Variants in TRPM6 observed in about 807,000 individuals in gnomAD.
TRPM6 encodes channel kinase 2.
In TRPM6, 111 loss-of-function variants were observed where a neutral mutation model predicts 247.6. The observed-to-expected ratio is 0.45, with a 90% CI of 0.38 to 0.52. The LOEUF is 0.52. Ranked by LOEUF, TRPM6 falls within the 20% of genes least tolerant of loss-of-function variation. The pLI, the probability that TRPM6 is intolerant of heterozygous loss-of-function variation, is 0.00. For synonymous variants in TRPM6, 892 were observed against 853.8 expected, an observed-to-expected ratio of 1.04 and a Z score of -0.78; for missense variants, 2,126 against 2,421.5, an observed-to-expected ratio of 0.88 and a Z score of 2.56.
chr9:74,853,757 G>C (rs911181826), intron 3 of TRPM6, among the ~76,000 whole-genome samples: 3 of 151,908 alleles, frequency 2.0e-5, no homozygotes, highest in Non-Finnish European at 4.4e-5. Flanking sequence ...GAAAACCAGA[G>C]ACCCTTGTTC....
At chr9:74,874,384 C>T (rs1397143441) in intron 1 of TRPM6, among the ~76,000 whole-genome samples, 1 of 152,154 alleles carries the variant, frequency 6.6e-6, no homozygotes, top group East Asian at 1.9e-4. Flanking sequence ...TTCCCAACTT[C>T]TCTTTCTTGC....
At chr9:74,850,047 A>G (rs1397390797) in intron 3 of TRPM6, among the ~76,000 whole-genome samples, 1 of 152,254 alleles carries the variant, frequency 6.6e-6, no homozygotes, top group African/African-American at 2.4e-5. Flanking sequence ...CAGGGGAAAC[A>G]GAAGTGTCTA....
At chr9:74,804,468 A>G in intron 14 of TRPM6, 1 of 629,310 alleles carries the variant, frequency 1.6e-6, no homozygotes, top group South Asian at 1.7e-5. Context: ...TATGATAAAA[A>G]CCATAAGCTT....
rs1167798702 is a variant in TRPM6, at chr9:74,739,767, G to A, written c.5443C>T (p.His1815Tyr). Residue 1815 changes from histidine (H) to tyrosine (Y), a missense_variant, in exon 34 of 39, where the codon CAT (histidine) becomes TAT (tyrosine). His to Tyr is a moderately conservative substitution (Grantham distance 83, BLOSUM62 2). Coordinates refer to ENST00000360774, the MANE Select transcript of TRPM6 (RefSeq NM_017662.5). ...SFLPEVVRTW[H>Y]KIFQESTVLH... ...ACAGTGCTCTCCTGGAAGATTTTAT[G>A]CCATGTCCGCACAACCTCAGGAAGA... 1 of 1,613,906 alleles carries A rather than the reference G, an allele frequency of 6.2e-7. No homozygotes were observed.
At chr9:74,875,435 C>T (rs73536153) in intron 1 of TRPM6, among the ~76,000 whole-genome samples, 3,229 of 152,146 alleles carry the variant, frequency 0.021, 134 homozygotes, top group African/African-American at 0.075. Flanking sequence ...TACAACTACT[C>T]AGGAGGCTGA....
In TRPM6 at chr9:74,786,124, A is replaced by T; in HGVS notation, c.2669T>A (p.Ile890Asn). The T allele has an allele frequency of 6.2e-7, 1 of 1,614,154 alleles. No homozygotes were observed. The highest frequency in any genetic ancestry group is 1.1e-5 in the South Asian group (1 of 91,084). ...FTNAIEVVRE[I>N]CISEPGKFTQ... ...AAACTTCCCAGGTTCTGAAATACAG[A>T]TCTAAAAGAAGGAAGAAGGAAACTT... The change falls in exon 21 of 39, where the codon ATC becomes AAC. Residue 890 changes from isoleucine to asparagine, a missense_variant and splice_region_variant. This residue lies in a region of TRPM6 where 1,082 missense variants were observed against 1,307.9 expected (regional missense o/e 0.83). Coordinates refer to ENST00000360774, the MANE Select transcript of TRPM6 (RefSeq NM_017662.5).
chr9:74,760,653 A>G (rs931251228), intron 27 of TRPM6, among the ~76,000 whole-genome samples: 1 of 152,214 alleles, frequency 6.6e-6, no homozygotes, highest in Admixed American at 6.5e-5. Flanking sequence ...CTACACATTC[A>G]TTAATATGGC....
At chr9:74,836,136 C>A (rs374246838) in intron 5 of TRPM6, among the ~76,000 whole-genome samples, 12 of 152,282 alleles carry the variant, frequency 7.9e-5, no homozygotes, top group East Asian at 7.7e-4. Flanking sequence ...CCTCTCCCCC[C>A]TCAGCTCCTG....
chr9:74,826,491 G>A (rs963963539), intron 7 of TRPM6, among the ~76,000 whole-genome samples: 1 of 152,108 alleles, frequency 6.6e-6, no homozygotes, highest in African/African-American at 2.4e-5. Flanking sequence ...TTCGGCACAA[G>A]AGGCAGGGGT....
At chr9:74,829,548 A>G (rs76647692) in intron 6 of TRPM6, among the ~76,000 whole-genome samples, 4,210 of 152,218 alleles carry the variant, frequency 0.028, 188 homozygotes, top group African/African-American at 0.093. Context: ...AGGTATAAGT[A>G]AGGATGATGA....
In TRPM6 at chr9:74,855,546, C is replaced by G; in HGVS notation, c.133G>C (p.Val45Leu). Residue 45 changes from valine (V) to leucine (L), a missense_variant, in exon 3 of 39, where the codon GTC becomes CTC. This residue lies in a region of TRPM6 where 1,082 missense variants were observed against 1,307.9 expected (regional missense o/e 0.83). Coordinates refer to ENST00000360774, the MANE Select transcript of TRPM6 (RefSeq NM_017662.5). ...TCTTACCTGATTAAATTCTGGCAGA[C>G]TTGGCATACTGGAGTACATCTAAAT... ...NPHRCTPVCQ[V>L]CQNLIRCYCG... The G allele has an allele frequency of 6.2e-7, 1 of 1,608,826 alleles. No individual in the cohort carries two copies. Among genetic ancestry groups the G allele is most frequent in the Non-Finnish European group, 8.5e-7 (1 of 1,175,458 alleles).
chr9:74,847,622 T>C (rs1277790944), intron 3 of TRPM6, among the ~76,000 whole-genome samples: 4 of 152,050 alleles, frequency 2.6e-5, no homozygotes, highest in Non-Finnish European at 5.9e-5. Context: ...GTCATATATA[T>C]AGTCATATGT....
rs141780811 is a variant in TRPM6 at position 74,887,205 on chromosome 9, C to A, written c.33+619G>T. On this transcript the variant is annotated intron_variant, in intron 1 of 38. Transcript: ENST00000360774. Reference sequence around the variant, plus strand: ...GGCGGCGCCGCGTTGGGGAAGGAAGCGGACTGCGGCGGGGCGGGTGTTTAC... The same window carrying A: ...GGCGGCGCCGCGTTGGGGAAGGAAGAGGACTGCGGCGGGGCGGGTGTTTAC... 8.1e-4 allele frequency: 1,015 copies of A among 1,248,894 alleles called. 22 individuals carry two copies. The East Asian group carries it at 0.024, about 29-fold the overall frequency. 77.4% of individuals were successfully genotyped at this position (1,248,894 alleles called of 1,614,324 possible).
chr9:74,878,424 C>T (rs1379128139), intron 1 of TRPM6, among the ~76,000 whole-genome samples: 3 of 152,196 alleles, frequency 2.0e-5, no homozygotes, highest in Non-Finnish European at 4.4e-5. Context: ...CAAGGACTGG[C>T]CCATCTTATG....
chr9:74,800,296 C>CA lies in TRPM6; in HGVS notation c.2195dup (p.Met732IlefsTer32). 4 of 1,614,218 alleles carry CA rather than the reference C, an allele frequency of 2.5e-6. No homozygotes were observed. The highest frequency in any genetic ancestry group is 3.4e-6 in the Non-Finnish European group (4 of 1,180,038). ...TCCTCATTTTCAGCCTCCCCATCCACATGTCTGTCAGTAGCATCTGGGTAC... is the reference window on the plus strand; with the variant it reads ...TCCTCATTTTCAGCCTCCCCATCCACAATGTCTGTCAGTAGCATCTGGGTAC... On this transcript the variant is annotated frameshift_variant, in exon 17 of 39. Transcript: ENST00000360774. LOFTEE classifies it high-confidence loss of function.
rs576457694 is a variant in TRPM6, at chr9:74,799,939, C to A, written c.2238+315G>T. On this transcript the variant is annotated intron_variant, in intron 17 of 38. Coordinates refer to ENST00000360774, the MANE Select transcript of TRPM6 (RefSeq NM_017662.5). ...CTGTGACATCTGTCACCCCATTGAT[C>A]GCCAGGGTTGATTCAGCTGATCTGG... 3.2e-3 allele frequency: 1,277 copies of A among 394,770 alleles called. 3 individuals are homozygous for A. The highest frequency in any genetic ancestry group is 4.7e-3 in the Non-Finnish European group (967 of 207,336). The allele number at this position is 394,770 out of a possible 1,614,324, so 24.5% of individuals were successfully genotyped here.
At chr9:74,885,687 C>A (rs1831509221) in intron 1 of TRPM6, among the ~76,000 whole-genome samples, 1 of 152,176 alleles carries the variant, frequency 6.6e-6, no homozygotes, top group Non-Finnish European at 1.5e-5. Context: ...GTAGGATGGT[C>A]ACTTTCAGTT....
intron 23 of TRPM6, among the ~76,000 whole-genome samples, chr9:74,780,165 CA>C (rs372044136): frequency 0.039 from 4,943 of 128,124 alleles, 228 homozygotes; most frequent in African/African-American, 0.12. Flanking sequence ...GAGAGAGACT[CA>C]AAAAAAAAAA....
At chr9:74,750,477 T>A (rs1826207423) in intron 30 of TRPM6, among the ~76,000 whole-genome samples, 187 bp downstream of exon 30, 1 of 152,202 alleles carries the variant, frequency 6.6e-6, no homozygotes, top group Non-Finnish European at 1.5e-5. Context: ...TCAGGTGAGA[T>A]CTTGTTGCCA....
Sources: allele counts gnomAD v4.1 joint callset (sites outside exome capture counted in the v4.1 genomes callset), GRCh38; gene constraint gnomAD v4.1.1; regional missense constraint gnomAD v4.1.1; transcripts MANE v1.5; gene names NCBI Gene and HGNC (gene_info 2026-07-23, HGNC 2026-07-21).